The following IL13RA1 variants were observed in gnomAD, a reference collection of about 807,000 sequenced individuals.
IL13RA1 encodes the protein interleukin 13 receptor subunit alpha 1.
IL13RA1 carries 14 observed loss-of-function variants against 33.8 expected under a neutral mutation model. The observed-to-expected ratio is 0.41, with a 90% CI of 0.27 to 0.65. The LOEUF (loss-of-function observed/expected upper bound fraction) is 0.65. Ranked by LOEUF, IL13RA1 falls within the 30% of genes least tolerant of loss-of-function variation. The pLI is 0.28. For synonymous variants in IL13RA1, 116 were observed against 115.7 expected, an observed-to-expected ratio of 1.00 and a Z score of -0.02; for missense variants, 313 against 327.0, an observed-to-expected ratio of 0.96 and a Z score of 0.33.
chrX:118,740,983 T>C (rs759809894), intron 1 of IL13RA1, 34 bp from the exon 2 acceptor site: 3 of 997,523 alleles, frequency 3.0e-6, no homozygotes, highest in Admixed American at 4.4e-5. Flanking sequence ...ATACTGTTGA[T>C]AAATTCATTT....
downstream of IL13RA1, among the ~76,000 whole-genome samples, chrX:118,797,266 A>G (rs1389424312): frequency 8.9e-6 from 1 of 112,274 alleles, no homozygotes; most frequent in East Asian, 2.8e-4. Context: ...TTTTTGTTTT[A>G]CAAATCAAGA....
At chrX:118,799,004 G>A (rs987848292), downstream of IL13RA1, among the ~76,000 whole-genome samples, 1 of 89,219 alleles carries the variant, frequency 1.1e-5, no homozygotes, top group Non-Finnish European at 2.2e-5. Flanking sequence ...TTGTGGGCCA[G>A]CTGGAGTTCC....
intron 9 of IL13RA1, among the ~76,000 whole-genome samples, chrX:118,776,001 C>T (rs1370470109): frequency 9.0e-6 from 1 of 110,513 alleles, no homozygotes; most frequent in Non-Finnish European, 1.9e-5. Flanking sequence ...TCCTGGGGCA[C>T]ATCCATGGAC....
intron 2 of IL13RA1, 132 bp downstream of exon 2, chrX:118,741,288 G>A: frequency 2.2e-6 from 1 of 457,448 alleles, no homozygotes; most frequent in Non-Finnish European, 3.7e-6. Context: ...TTTCAGTTGG[G>A]GAAATTATAG....
intron 4 of IL13RA1, among the ~76,000 whole-genome samples, chrX:118,756,985 C>T (rs1041421993): frequency 9.0e-6 from 1 of 110,519 alleles, no homozygotes; most frequent in Non-Finnish European, 1.9e-5. Context: ...ATGAGGGAGT[C>T]AGAAAGAGGG....
intron 6 of IL13RA1, among the ~76,000 whole-genome samples, chrX:118,765,803 CTTG>C (rs1312587797): frequency 1.8e-5 from 2 of 112,425 alleles, no homozygotes; most frequent in African/African-American, 3.2e-5. Flanking sequence ...CCTCACAACA[CTTG>C]TTGTTGTCAG....
intron 4 of IL13RA1, among the ~76,000 whole-genome samples, chrX:118,755,017 C>T (rs1178116175): frequency 3.0e-5 from 3 of 99,967 alleles, no homozygotes; most frequent in African/African-American, 7.5e-5. Flanking sequence ...GGTGCGATCT[C>T]GGCTCACTGC....
chrX:118,762,640 A>G (rs1379028633), intron 6 of IL13RA1, among the ~76,000 whole-genome samples: 6 of 111,564 alleles, frequency 5.4e-5, no homozygotes, highest in Non-Finnish European at 3.8e-5. Flanking sequence ...GAAATATAAT[A>G]ATCATTACTA....
At chrX:118,800,404 C>T in the IL13RA1 span, among the ~76,000 whole-genome samples, 7 of 110,851 alleles carry the variant, frequency 6.3e-5, no homozygotes, top group African/African-American at 2.3e-4. Context: ...CCCAGCGAGA[C>T]CACGAGCCCA....
intron 4 of IL13RA1, among the ~76,000 whole-genome samples, chrX:118,756,575 C>T (rs2017532654): frequency 1.8e-5 from 2 of 111,147 alleles, no homozygotes; most frequent in South Asian, 7.5e-4. Flanking sequence ...AGCAATGGAG[C>T]CTGTAGTCAT....
At chrX:118,728,175 C>G (rs1013064219) in intron 1 of IL13RA1, among the ~76,000 whole-genome samples, 2 of 112,574 alleles carry the variant, frequency 1.8e-5, no homozygotes, top group Non-Finnish European at 3.8e-5. Flanking sequence ...GAAGTCCAGG[C>G]GAGCTGAGAA....
At chrX:118,749,587 G>A (rs1487669007) in intron 3 of IL13RA1, 71 bp from the exon 4 acceptor site, 2 of 1,033,974 alleles carry the variant, frequency 1.9e-6, no homozygotes, top group Admixed American at 4.4e-5. Context: ...TCATCCCCAT[G>A]CCAAAGAGTG....
chrX:118,785,582 A>AT (rs1305338485), intron 10 of IL13RA1, among the ~76,000 whole-genome samples: 2 of 110,434 alleles, frequency 1.8e-5, no homozygotes, highest in Admixed American at 1.9e-4. Context: ...ATTTTGTTTT[A>AT]TTTTTTGAGA....
chrX:118,729,891 C>T (rs1479666457), intron 1 of IL13RA1, among the ~76,000 whole-genome samples: 1 of 112,235 alleles, frequency 8.9e-6, no homozygotes, highest in Non-Finnish European at 1.9e-5. Context: ...AACCACTGTA[C>T]TCATTGCTTC....
In IL13RA1 at chrX:118,758,077, C is replaced by G; in HGVS notation, c.511C>G (p.His171Asp). The G allele has an allele frequency of 8.6e-7, 1 of 1,162,460 alleles. No individual in the cohort carries two copies. The highest frequency in any genetic ancestry group is 1.2e-6 in the Non-Finnish European group (1 of 857,177). Residue 171 changes from histidine to aspartate, a missense_variant, in exon 5 of 11, where the codon CAT (histidine) becomes GAT (aspartate). Physicochemically the swap from His to Asp is moderately conservative, Grantham distance 81. Coordinates refer to ENST00000371666, the MANE Select transcript of IL13RA1 (RefSeq NM_001560.3). ...TAGGCACAGAAGCCTGGAAAAAATTCATCAATGTGAAAACATCTTTAGAGA... is the reference window on the plus strand; with the variant it reads ...TAGGCACAGAAGCCTGGAAAAAATTGATCAATGTGAAAACATCTTTAGAGA... The part of the protein sequence containing the change: ...YYWHRSLEKI[H>D]QCENIFREGQ...
In IL13RA1 at chrX:118,773,916, A is replaced by G; in HGVS notation, c.1047A>G (p.Leu349=). 9.2e-7 allele frequency: 1 copy of G among 1,089,789 alleles called. No individual in the cohort carries two copies. The highest frequency in any genetic ancestry group is 1.8e-5 in the South Asian group (1 of 54,308). The allele number at this position is 1,089,789 out of a possible 1,213,427, so 89.8% of individuals were successfully genotyped here. Residue 349 remains leucine (L), a synonymous_variant, in exon 9 of 11, where the codon TTA becomes TTG. Coordinates refer to ENST00000371666, the MANE Select transcript of IL13RA1 (RefSeq NM_001560.3). The part of the protein sequence containing the change: ...KRNSTLYITM[L]LIVPVIVAGA... ...ATTCCACACTCTACATAACCATGTT[A>G]CTCATTGTTCCAGTCATCGTCGCAG...
chrX:118,767,098 C>A (rs955419619), intron 8 of IL13RA1, 122 bp downstream of exon 8: 2 of 374,951 alleles, frequency 5.3e-6, no homozygotes, highest in Non-Finnish European at 9.0e-6. Flanking sequence ...AGAGTACTTA[C>A]AATTGAAATT....
the IL13RA1 span, among the ~76,000 whole-genome samples, chrX:118,804,556 C>T: frequency 8.9e-6 from 1 of 111,803 alleles, no homozygotes; most frequent in African/African-American, 3.3e-5. Flanking sequence ...AAATGTGATA[C>T]TAAAAGAGAG....
intron 9 of IL13RA1, among the ~76,000 whole-genome samples, 159 bp downstream of exon 9, chrX:118,774,134 C>T (rs1318377399): frequency 9.2e-6 from 1 of 108,581 alleles, no homozygotes; most frequent in Non-Finnish European, 1.9e-5. Flanking sequence ...TATTACCACG[C>T]CCACTTTCTT....
Sources: gnomAD v4.1 joint callset for allele counts (sites outside exome capture counted in the v4.1 genomes callset) on GRCh38, gnomAD v4.1.1 for gene constraint, MANE v1.5 for transcripts, NCBI Gene and HGNC (gene_info 2026-07-23, HGNC 2026-07-21) for gene names.